NR1H3: variants seen among roughly 807,000 people sequenced by gnomAD.
The protein encoded by NR1H3 is oxysterols receptor LXR-alpha.
NR1H3 carries 19 observed loss-of-function variants against 48.1 expected under a neutral mutation model. That is an observed-to-expected ratio of 0.40 (90% CI 0.28 to 0.58). The LOEUF (loss-of-function observed/expected upper bound fraction) is 0.58. Among genes scored for constraint, NR1H3 ranks in the 20% least tolerant of loss-of-function variants. The probability of loss-of-function intolerance (pLI) is 0.50; values close to 1 mark genes in which losing one functional copy is unlikely to be tolerated. For synonymous variants in NR1H3, 232 were observed against 227.3 expected, an observed-to-expected ratio of 1.02 and a Z score of -0.19; for missense variants, 486 against 595.9, an observed-to-expected ratio of 0.82 and a Z score of 1.92.
chr11:47,261,604 C>T lies in NR1H3; in HGVS notation c.766C>T (p.His256Tyr), dbSNP rs1336195508. ...GGAGGCCCGTCAGCAGCGCTTTGCC[C>T]ACTTCACTGAGCTGGCCATCGTCTC... is the stretch of plus-strand genomic sequence containing the variant. ...SREARQQRFA[H>Y]FTELAIVSVQ... Residue 256 changes from histidine to tyrosine, a missense_variant, in exon 6 of 10, where the codon CAC becomes TAC. Physicochemically the swap from His to Tyr is moderately conservative, Grantham distance 83. Coordinates refer to ENST00000441012, the MANE Select transcript of NR1H3 (RefSeq NM_005693.4). 1 of 1,614,100 alleles carries T rather than the reference C, an allele frequency of 6.2e-7. No individual in the cohort carries two copies. The highest frequency in any genetic ancestry group is 8.5e-7 in the Non-Finnish European group (1 of 1,180,052).
In NR1H3 at chr11:47,260,427, G is replaced by A. The variant is rs760894618; in HGVS notation, c.251G>A (p.Arg84Gln). 4.3e-5 allele frequency: 69 copies of A among 1,613,198 alleles called. No homozygotes were observed. Among genetic ancestry groups the A allele is most frequent in the Non-Finnish European group, 5.4e-5 (64 of 1,179,426 alleles). ...TATCCAGAGATCCGTCCACAAAAGC[G>A]GAAAAAGGGGCCAGCCCCCAAAATG... Reference protein sequence around the residue: ...SEPTEIRPQKRKKGPAPKMLG... With the variant: ...SEPTEIRPQKQKKGPAPKMLG... Residue 84 changes from arginine to glutamine, a missense_variant, in exon 4 of 10, where the codon CGG becomes CAG. Coordinates refer to ENST00000441012, the MANE Select transcript of NR1H3 (RefSeq NM_005693.4).
Position 47,259,780 on chromosome 11 carries a change from T to A in NR1H3, c.44-11T>A. ...CCTGAGACCCCCTTGTGCCTCTCTT[T>A]TGGAGCTCAGACTCTGCGGTGGAGC... On this transcript the variant is annotated splice_polypyrimidine_tract_variant and intron_variant, in intron 2 of 9. Coordinates refer to ENST00000441012, the MANE Select transcript of NR1H3 (RefSeq NM_005693.4). The A allele has an allele frequency of 6.2e-7, 1 of 1,611,908 alleles. No individual in the cohort carries two copies. The highest frequency in any genetic ancestry group is 8.5e-7 in the Non-Finnish European group (1 of 1,179,846).
chr11:47,264,331 G>A (rs1314892762), intron 7 of NR1H3, among the ~76,000 whole-genome samples: 2 of 152,190 alleles, frequency 1.3e-5, no homozygotes, highest in Admixed American at 6.5e-5. Context: ...ACTCAGGCCA[G>A]CTCACGTGCC....
chr11:47,248,890 TC>T, upstream of NR1H3: 1 of 1,546,672 alleles, frequency 6.5e-7, no homozygotes, highest in South Asian at 1.2e-5. Flanking sequence ...GGAAGTGCGT[TC>T]GCCGCCATCT....
intron 1 of NR1H3, among the ~76,000 whole-genome samples, chr11:47,252,959 CTT>C (rs35321542): frequency 2.7e-4 from 31 of 113,258 alleles, no homozygotes; most frequent in African/African-American, 6.8e-4. Flanking sequence ...AACTTGTATT[CTT>C]TTTTTTTTTT....
At chr11:47,260,900 CAT>C (rs1001858682) in intron 4 of NR1H3, among the ~76,000 whole-genome samples, 2 of 152,074 alleles carry the variant, frequency 1.3e-5, no homozygotes, top group African/African-American at 4.8e-5. Flanking sequence ...GCCTGGCCAA[CAT>C]AGTGAAACCC....
upstream of NR1H3, chr11:47,257,828 G>C (rs1955343057): frequency 1.4e-5 from 14 of 971,296 alleles, no homozygotes; most frequent in Non-Finnish European, 1.7e-5. Context: ...AGTGGCGGGA[G>C]AGGGGGTGGC....
upstream of NR1H3, among the ~76,000 whole-genome samples, chr11:47,253,274 C>T (rs939075977): frequency 2.6e-5 from 4 of 152,074 alleles, no homozygotes; most frequent in Admixed American, 2.6e-4. Context: ...CAGTCTTATA[C>T]CTGTATTCAA....
At chr11:47,255,615 C>CTCTCTCTCTCTTTCTTTCTTTCTTTCTT (rs1554981334), upstream of NR1H3, among the ~76,000 whole-genome samples, 1 of 93,128 alleles carries the variant, frequency 1.1e-5, no homozygotes, top group African/African-American at 4.8e-5. Flanking sequence ...CTCTCTCTCT[C>CTCTCTCTCTCTTTCTTTCTTTCTTTCTT]TCTTTCTTTC....
chr11:47,266,743 G>T (rs1196720233), intron 7 of NR1H3, among the ~76,000 whole-genome samples: 2 of 151,202 alleles, frequency 1.3e-5, no homozygotes, highest in African/African-American at 4.9e-5. Context: ...CCAGATTCAA[G>T]CAATTCTCCT....
Position 47,261,340 on chromosome 11 carries a change from C to T in NR1H3, c.599C>T (p.Pro200Leu), listed in dbSNP as rs141875702. The T allele has an allele frequency of 5.0e-6, 8 of 1,614,026 alleles. No homozygotes were observed. The highest frequency in any genetic ancestry group is 2.2e-5 in the East Asian group (1 of 44,894). Reference protein sequence around the residue: ...TSLPPRASSPPQILPQLSPEQ... With the variant: ...TSLPPRASSPLQILPQLSPEQ... ...TTGCCCCCCAGGGCTTCCTCACCCCCCCAAATCCTGCCCCAGCTCAGCCCG... is the reference window on the plus strand; with the variant it reads ...TTGCCCCCCAGGGCTTCCTCACCCCTCCAAATCCTGCCCCAGCTCAGCCCG... The change falls in exon 5 of 10, where the codon CCC becomes CTC. Residue 200 changes from proline to leucine, a missense_variant. Physicochemically the swap from Pro to Leu is moderately conservative, Grantham distance 98. Transcript: ENST00000441012.
chr11:47,259,744 C>T, intron 2 of NR1H3, 47 bp from the exon 3 acceptor site: 1 of 1,609,314 alleles, frequency 6.2e-7, no homozygotes, highest in Non-Finnish European at 8.5e-7. Flanking sequence ...GGCCGTGGAG[C>T]CGGGATGGGG....
At chr11:47,254,355 C>T (rs2135577242), upstream of NR1H3, among the ~76,000 whole-genome samples, 1 of 152,320 alleles carries the variant, frequency 6.6e-6, no homozygotes, top group Admixed American at 6.5e-5. Context: ...TCTCTGGCTG[C>T]CCTGCTGGGC....
intron 1 of NR1H3, 171 bp from the exon 2 acceptor site, chr11:47,259,009 T>C: frequency 8.1e-7 from 1 of 1,236,862 alleles, no homozygotes; most frequent in Non-Finnish European, 1.1e-6. Flanking sequence ...AGAACCTGTC[T>C]CTAAAAAACA....
At chr11:47,260,767 A>G in intron 4 of NR1H3, 92 bp downstream of exon 4, 1 of 1,430,490 alleles carries the variant, frequency 7.0e-7, no homozygotes, top group Non-Finnish European at 9.3e-7. Flanking sequence ...TGCAGGGGCT[A>G]ACTGATCCCT....
chr11:47,252,180 A>G (rs1432379992), intron 1 of NR1H3, among the ~76,000 whole-genome samples: 1 of 152,198 alleles, frequency 6.6e-6, no homozygotes, highest in Non-Finnish European at 1.5e-5. Context: ...GTGTTGGCAG[A>G]AGCAAACCTA....
upstream of NR1H3, among the ~76,000 whole-genome samples, chr11:47,256,731 CTT>C (rs59869867): frequency 2.0e-4 from 27 of 134,002 alleles, no homozygotes; most frequent in Middle Eastern, 4.0e-3. Context: ...AATAATATTT[CTT>C]TTTTTTTTTT....
chr11:47,261,380 G>GATCGAGAAGCTCGTCGCTGC lies in NR1H3; in HGVS notation c.640_659dup (p.Gln221SerfsTer55). ...AGCTCAGCCCGGAACAACTGGGCAT[G>GATCGAGAAGCTCGTCGCTGC]ATCGAGAAGCTCGTCGCTGCCCAGC... On this transcript the variant is annotated frameshift_variant, in exon 5 of 10. Coordinates refer to ENST00000441012, the MANE Select transcript of NR1H3 (RefSeq NM_005693.4). LOFTEE classifies it high-confidence loss of function. The GATCGAGAAGCTCGTCGCTGC allele has an allele frequency of 1.2e-6, 2 of 1,614,132 alleles. No individual in the cohort carries two copies. The highest frequency in any genetic ancestry group is 3.3e-5 in the Admixed American group (2 of 60,012).
chr11:47,268,825 A>T lies in NR1H3; in HGVS notation c.*129A>T. The T allele has an allele frequency of 8.2e-7, 1 of 1,212,216 alleles. No individual in the cohort carries two copies. Among genetic ancestry groups the T allele is most frequent in the Non-Finnish European group, 1.1e-6 (1 of 871,780 alleles). 75.1% of individuals were successfully genotyped at this position (1,212,216 alleles called of 1,614,324 possible). A position where few individuals can be genotyped will look rare whatever the true frequency, so the allele number is the denominator to read the frequency against. ...CTGGGCAAGGAGATCCTCCCGTGGC[A>T]TTAAAAGAGAGTCAAAGGGTTGCGA... On this transcript the variant is annotated 3_prime_UTR_variant, in exon 10 of 10. Transcript: ENST00000441012.
Sources: allele counts gnomAD v4.1 joint callset (sites outside exome capture counted in the v4.1 genomes callset), GRCh38; gene constraint gnomAD v4.1.1; transcripts MANE v1.5; gene names NCBI Gene and HGNC (gene_info 2026-07-23, HGNC 2026-07-21).